The following DOCK8 variants were observed in gnomAD, a reference collection of about 807,000 sequenced individuals.
DOCK8 encodes dedicator of cytokinesis protein 8.
A neutral mutation model predicts 245.6 loss-of-function variants in DOCK8; 141 were observed. That is an observed-to-expected ratio of 0.57 (90% CI 0.50 to 0.66). DOCK8 has a LOEUF of 0.66. DOCK8 is among the 30% of genes least tolerant of loss of function. The pLI is 0.00. For synonymous variants in DOCK8, 1,168 were observed against 970.2 expected (o/e 1.20, Z -3.79); for missense variants, 2,965 against 2,603.4 (o/e 1.14, Z -3.02).
At chr9:257,799 G>C (rs1168267539) in intron 1 of DOCK8, among the ~76,000 whole-genome samples, 12 of 152,206 alleles carry the variant, frequency 7.9e-5, no homozygotes, top group Non-Finnish European at 1.0e-4. Flanking sequence ...TTACAGGCGT[G>C]AGCCACCGCG....
At chr9:456,642 G>C (rs1410423013) in intron 46 of DOCK8, 2 of 152,184 alleles carry the variant, frequency 1.3e-5, no homozygotes, top group African/African-American at 4.8e-5. Flanking sequence ...TACTCATCCA[G>C]CCAGTCCTGC....
intron 45 of DOCK8, among the ~76,000 whole-genome samples, chr9:450,322 G>T (rs1184277703): frequency 1.3e-5 from 2 of 152,144 alleles, no homozygotes; most frequent in Non-Finnish European, 2.9e-5. Flanking sequence ...AGGAGAGAAG[G>T]AAAAGGATCT....
intron 20 of DOCK8, among the ~76,000 whole-genome samples, 197 bp from the exon 21 acceptor site, chr9:379,574 G>C (rs955200666): frequency 2.6e-5 from 4 of 152,186 alleles, no homozygotes; most frequent in Non-Finnish European, 5.9e-5. Context: ...GGAGGAGGAA[G>C]TTCAAAAGAG....
At chr9:371,656 G>T (rs749320835) in intron 17 of DOCK8, 90 bp downstream of exon 17, 2 of 1,562,698 alleles carry the variant, frequency 1.3e-6, no homozygotes, top group African/African-American at 1.4e-5. Flanking sequence ...CTATTCACTT[G>T]ATTTTTTCCA....
chr9:356,729 G>A (rs1239221762), intron 14 of DOCK8, among the ~76,000 whole-genome samples: 5 of 151,990 alleles, frequency 3.3e-5, no homozygotes, highest in African/African-American at 1.2e-4. Flanking sequence ...AGGAGGGAGG[G>A]TGAGTAAACC....
At chr9:276,464 T>C (rs2048351479) in intron 2 of DOCK8, among the ~76,000 whole-genome samples, 1 of 152,246 alleles carries the variant, frequency 6.6e-6, no homozygotes, top group Admixed American at 6.5e-5. Context: ...GATGACTATG[T>C]GTATAAACAT....
intron 43 of DOCK8, 40 bp from the exon 44 acceptor site, chr9:446,330 G>A (rs1284586816): frequency 6.4e-7 from 1 of 1,568,380 alleles, no homozygotes; most frequent in Non-Finnish European, 8.8e-7. Flanking sequence ...GCCGTTTGCA[G>A]AATAGCTCAT....
At chr9:282,875 A>G (rs2048651621) in intron 2 of DOCK8, among the ~76,000 whole-genome samples, 1 of 152,184 alleles carries the variant, frequency 6.6e-6, no homozygotes, top group Non-Finnish European at 1.5e-5. Flanking sequence ...TTTGAAGTGT[A>G]TATTTCCATT....
chr9:238,928 CT>C (rs1216884539), intron 1 of DOCK8, among the ~76,000 whole-genome samples: 2 of 151,078 alleles, frequency 1.3e-5, no homozygotes, highest in Non-Finnish European at 3.0e-5. Flanking sequence ...GGACGCCATC[CT>C]ATCACAGCTT....
At chr9:390,118 CAG>C (rs1417853710) in intron 23 of DOCK8, among the ~76,000 whole-genome samples, 3 of 152,076 alleles carry the variant, frequency 2.0e-5, no homozygotes, top group African/African-American at 2.4e-5. Flanking sequence ...CATGGTCACA[CAG>C]AGAGTTTTCA....
At chr9:381,602 T>C (rs2131291973) in intron 21 of DOCK8, among the ~76,000 whole-genome samples, 1 of 152,238 alleles carries the variant, frequency 6.6e-6, no homozygotes, top group East Asian at 1.9e-4. Context: ...CATGACACTT[T>C]TGTTGGTCTG....
At chr9:292,099 C>G (rs1471774187) in intron 4 of DOCK8, among the ~76,000 whole-genome samples, 3 of 131,560 alleles carry the variant, frequency 2.3e-5, no homozygotes, top group Admixed American at 1.6e-4. Context: ...AAGCCAGGCA[C>G]GGTGCTCATG....
intron 14 of DOCK8, among the ~76,000 whole-genome samples, chr9:367,092 T>C (rs2053040997): frequency 1.3e-5 from 2 of 152,188 alleles, no homozygotes; most frequent in African/African-American, 2.4e-5. Context: ...ATGATGACAA[T>C]GATAATAGTA....
chr9:438,076 G>T (rs1336241119), intron 39 of DOCK8, among the ~76,000 whole-genome samples: 3 of 152,214 alleles, frequency 2.0e-5, no homozygotes, highest in African/African-American at 7.2e-5. Context: ...GGCCACAAAG[G>T]CTTTGAGAGC....
At chr9:268,022 C>T (rs1012320373) in intron 1 of DOCK8, 1 of 152,142 alleles carries the variant, frequency 6.6e-6, no homozygotes, top group African/African-American at 2.4e-5. Context: ...TACAACCCCA[C>T]CAGGGGTGTG....
chr9:344,130 A>G (rs1218245867), intron 14 of DOCK8, among the ~76,000 whole-genome samples: 4 of 152,084 alleles, frequency 2.6e-5, no homozygotes, highest in Non-Finnish European at 5.9e-5. Flanking sequence ...ACACCCCGTT[A>G]GAAATGCCAA....
Position 372,221 on chromosome 9 carries a change from G to A in DOCK8, c.2044G>A (p.Gly682Arg). 1 of 1,614,046 alleles carries A rather than the reference G, an allele frequency of 6.2e-7. No individual in the cohort carries two copies. The highest frequency in any genetic ancestry group is 8.5e-7 in the Non-Finnish European group (1 of 1,180,016). Residue 682 changes from glycine to arginine, a missense_variant, in exon 18 of 48, where the codon GGA becomes AGA. Gly to Arg is a moderately radical substitution (Grantham distance 125). This residue lies in a region of DOCK8 where 2,825 missense variants were observed against 2,453.5 expected (regional missense o/e 1.15). Transcript: ENST00000432829. ...TCTCTTAAATGAACGTCTTCAAACT[G>A]GATCCTACTGTCTCCCAGTTGCCTT... ...PILLNERLQT[G>R]SYCLPVALEK...
At chr9:248,599 T>C (rs1426745947) in intron 1 of DOCK8, among the ~76,000 whole-genome samples, 1 of 151,314 alleles carries the variant, frequency 6.6e-6, no homozygotes, top group African/African-American at 2.4e-5. Context: ...CTTTCTCTCT[T>C]TCTTTCTTTC....
intron 1 of DOCK8, among the ~76,000 whole-genome samples, chr9:270,273 T>C (rs1407359533): frequency 1.3e-5 from 2 of 152,246 alleles, no homozygotes; most frequent in African/African-American, 2.4e-5. Context: ...TGCCTCATCA[T>C]GTAACGGGCC....
Sources: gnomAD v4.1 joint callset for allele counts (sites outside exome capture counted in the v4.1 genomes callset) on GRCh38, gnomAD v4.1.1 for gene constraint, gnomAD v4.1.1 regional missense constraint, MANE v1.5 for transcripts, NCBI Gene and HGNC (gene_info 2026-07-23, HGNC 2026-07-21) for gene names.